DNAH6: variants seen among roughly 807,000 people sequenced by gnomAD.
DNAH6 encodes dynein axonemal heavy chain 6.
A neutral mutation model predicts 491.4 loss-of-function variants in DNAH6; 340 were observed. That is an observed-to-expected ratio of 0.69 (90% CI 0.63 to 0.76). The LOEUF (loss-of-function observed/expected upper bound fraction) is 0.76. DNAH6 is among the 30% of genes least tolerant of loss of function. DNAH6 has a pLI of 0.00. For missense variants in DNAH6, 4,443 were observed against 4,972.2 expected, an observed-to-expected ratio of 0.89 and a Z score of 3.20; for synonymous variants, 1,603 against 1,686.1, an observed-to-expected ratio of 0.95 and a Z score of 1.21.
At chr2:84,468,040 G>A in the DNAH6 span, among the ~76,000 whole-genome samples, 4 of 151,934 alleles carry the variant, frequency 2.6e-5, no homozygotes, top group Non-Finnish European at 5.9e-5. Flanking sequence ...AAAGCATTTA[G>A]CAAACTTAAT....
chr2:84,481,466 A>C, the DNAH6 span, among the ~76,000 whole-genome samples: 1 of 152,286 alleles, frequency 6.6e-6, no homozygotes, highest in Admixed American at 6.5e-5. Context: ...GCTCACTAAC[A>C]TGTGGAAAAG....
chr2:84,759,227 G>T (rs899827991), intron 63 of DNAH6, among the ~76,000 whole-genome samples: 2 of 151,816 alleles, frequency 1.3e-5, no homozygotes, highest in Admixed American at 1.3e-4. Flanking sequence ...AAAATACCTG[G>T]CTGGGCGCAG....
intron 43 of DNAH6, among the ~76,000 whole-genome samples, chr2:84,685,762 C>A (rs908753789): frequency 3.3e-5 from 5 of 151,878 alleles, no homozygotes; most frequent in Non-Finnish European, 7.4e-5. Context: ...CCAGCCTGGG[C>A]AACAAGGCAA....
chr2:84,633,254 C>A (rs979496935), intron 29 of DNAH6, among the ~76,000 whole-genome samples: 2 of 152,138 alleles, frequency 1.3e-5, no homozygotes, highest in Non-Finnish European at 2.9e-5. Flanking sequence ...CTCTCCTTGT[C>A]TCTGCTTTCC....
At chr2:84,602,237 A>G (rs1276165721) in intron 18 of DNAH6, among the ~76,000 whole-genome samples, 3 of 152,024 alleles carry the variant, frequency 2.0e-5, no homozygotes, top group Admixed American at 2.0e-4. Flanking sequence ...CAGCCTAAAG[A>G]ATATCCTTTA....
chr2:84,509,124 G>A, the DNAH6 span, among the ~76,000 whole-genome samples: 59 of 152,274 alleles, frequency 3.9e-4, 2 homozygotes, highest in Non-Finnish European at 1.8e-4. Context: ...GGATATCCTT[G>A]TTAACTTTCT....
At chr2:84,553,628 A>ATTTTTTTTTT (rs748931607) in intron 10 of DNAH6, among the ~76,000 whole-genome samples, 3 of 90,994 alleles carry the variant, frequency 3.3e-5, no homozygotes, top group African/African-American at 8.9e-5. Context: ...AGGACTGGCT[A>ATTTTTTTTTT]TTTTTTTTTT....
intron 29 of DNAH6, among the ~76,000 whole-genome samples, chr2:84,632,063 G>C (rs1446658892): frequency 6.6e-6 from 1 of 152,164 alleles, no homozygotes; most frequent in East Asian, 1.9e-4. Flanking sequence ...TTGGCCTGTA[G>C]GCATTGACCC....
At chr2:84,671,805 T>C (rs1206351347) in intron 39 of DNAH6, among the ~76,000 whole-genome samples, 3 of 152,202 alleles carry the variant, frequency 2.0e-5, no homozygotes, top group African/African-American at 7.2e-5. Flanking sequence ...CTTTTTCTAA[T>C]GAGTGTGTAT....
In DNAH6 at chr2:84,705,565, A is replaced by T; in HGVS notation, c.8545A>T (p.Ile2849Leu). The change falls in exon 52 of 77, where the codon ATA becomes TTA. Residue 2849 changes from isoleucine (I) to leucine (L), a missense_variant. Transcript: ENST00000389394. ...KRLLEYDKEN[I>L]KPQILAKLQK... is the part of the protein sequence containing the mutation. ...GCTTTTAGAATATGATAAGGAGAAC[A>T]TAAAGCCTCAGATATTGGCAAAGCT... 1 of 1,551,690 alleles carries T rather than the reference A, an allele frequency of 6.4e-7. No homozygotes were observed. The highest frequency in any genetic ancestry group is 8.7e-7 in the Non-Finnish European group (1 of 1,146,952).
intron 62 of DNAH6, among the ~76,000 whole-genome samples, chr2:84,740,288 G>T (rs1047098544): frequency 3.3e-5 from 5 of 152,078 alleles, no homozygotes; most frequent in Non-Finnish European, 4.4e-5. Context: ...AGAACTGATG[G>T]GTACAAGCAG....
upstream of DNAH6, among the ~76,000 whole-genome samples, chr2:84,511,942 A>G (rs1423295016): frequency 6.6e-6 from 1 of 152,110 alleles, no homozygotes. Context: ...ATTTTATTTC[A>G]TGTGGTCAGA....
At chr2:84,696,018 A>G (rs1290076008) in intron 46 of DNAH6, among the ~76,000 whole-genome samples, 1 of 152,024 alleles carries the variant, frequency 6.6e-6, no homozygotes, top group Non-Finnish European at 1.5e-5. Flanking sequence ...ATATATACAC[A>G]AAACATTATA....
At chr2:84,714,333 T>C (rs1020213817) in intron 57 of DNAH6, among the ~76,000 whole-genome samples, 1 of 152,106 alleles carries the variant, frequency 6.6e-6, no homozygotes, top group South Asian at 2.1e-4. Context: ...TCATTGAAAG[T>C]TTAAGTTAGG....
chr2:84,660,573 G>T (rs2104600560), intron 37 of DNAH6, among the ~76,000 whole-genome samples: 1 of 152,122 alleles, frequency 6.6e-6, no homozygotes, highest in Admixed American at 6.5e-5. Flanking sequence ...TTAGTGGGTA[G>T]AGGTTTCATG....
chr2:84,670,590 G>C, intron 39 of DNAH6, 115 bp downstream of exon 39: 1 of 790,408 alleles, frequency 1.3e-6, no homozygotes, highest in Non-Finnish European at 2.0e-6. Flanking sequence ...TAATTTACTT[G>C]TAAAGGTGAT....
intron 65 of DNAH6, 127 bp downstream of exon 65, chr2:84,781,780 T>C (rs952326843): frequency 8.4e-7 from 1 of 1,195,836 alleles, no homozygotes; most frequent in Admixed American, 3.0e-5. Context: ...AGGAGAAATT[T>C]GAGGCCTAGA....
chr2:84,703,640 AT>A (rs1312339560), intron 50 of DNAH6, 78 bp downstream of exon 50: 13 of 1,212,194 alleles, frequency 1.1e-5, no homozygotes, highest in South Asian at 1.0e-4. Context: ...ACACGATTGG[AT>A]TTTTTTATTA....
chr2:84,794,236 C>G (rs1678080540), intron 68 of DNAH6, among the ~76,000 whole-genome samples: 1 of 152,126 alleles, frequency 6.6e-6, no homozygotes, highest in South Asian at 2.1e-4. Context: ...AGAAGAAAAC[C>G]TAGGCATTAC....
Sources: gnomAD v4.1 joint callset for allele counts (sites outside exome capture counted in the v4.1 genomes callset) on GRCh38, gnomAD v4.1.1 for gene constraint, MANE v1.5 for transcripts, NCBI Gene and HGNC (gene_info 2026-07-23, HGNC 2026-07-21) for gene names.